Variants in WASF1 observed in about 807,000 individuals in gnomAD.
WASF1 encodes WASP family member 1.
WASF1 carries 7 observed loss-of-function variants against 50.5 expected under a neutral mutation model. The ratio of observed to expected loss-of-function variants is 0.14; its 90% CI spans 0.08 to 0.26. The LOEUF (loss-of-function observed/expected upper bound fraction) is 0.26. Ranked by LOEUF, WASF1 falls within the 10% of genes least tolerant of loss-of-function variation. The probability of loss-of-function intolerance (pLI) is 1.00; values close to 1 mark genes in which losing one functional copy is unlikely to be tolerated. For synonymous variants in WASF1, 205 were observed against 244.0 expected, an observed-to-expected ratio of 0.84 and a Z score of 1.49; for missense variants, 470 against 694.7, an observed-to-expected ratio of 0.68 and a Z score of 3.64.
At chr6:110,143,138 T>C (rs1476406644) in intron 3 of WASF1, among the ~76,000 whole-genome samples, 6 of 151,910 alleles carry the variant, frequency 3.9e-5, no homozygotes. Flanking sequence ...AGCTAAAATC[T>C]TAATAATCTG....
intron 4 of WASF1, among the ~76,000 whole-genome samples, chr6:110,126,522 A>G (rs1774425591): frequency 6.6e-6 from 1 of 152,214 alleles, no homozygotes; most frequent in Admixed American, 6.5e-5. Flanking sequence ...TCTTGTGCTA[A>G]GTACTCAATT....
At chr6:110,134,090 T>C (rs2114533038) in intron 3 of WASF1, among the ~76,000 whole-genome samples, 1 of 152,208 alleles carries the variant, frequency 6.6e-6, no homozygotes, top group East Asian at 1.9e-4. Flanking sequence ...GCTAATTTTG[T>C]ATTTTTAGTA....
At chr6:110,113,502 G>C in intron 4 of WASF1, 42 bp from the exon 5 acceptor site, 1 of 1,524,948 alleles carries the variant, frequency 6.6e-7, no homozygotes, top group South Asian at 1.3e-5. Flanking sequence ...TTAACATCCA[G>C]AGCACTGAGT....
At position 110,105,389 on chromosome 6, in the gene WASF1, AAAC is replaced by A. The variant is rs1197272110; in HGVS notation, c.713+15_713+17del. ...CCAATGTTTTATCATTTAAAAAAAAAAACAAAAGTAAAGAAACCTTGTTTCAAA... is the reference window on the plus strand; with the variant it reads ...CCAATGTTTTATCATTTAAAAAAAAAAAAAGTAAAGAAACCTTGTTTCAAA... On this transcript the variant is annotated intron_variant, in intron 8 of 10. Transcript: ENST00000392589. The A allele has an allele frequency of 1.9e-6, 3 of 1,578,212 alleles. No individual in the cohort carries two copies. The highest frequency in any genetic ancestry group is 4.5e-5 in the East Asian group (2 of 44,580).
intron 3 of WASF1, among the ~76,000 whole-genome samples, chr6:110,142,060 G>C (rs1001622887): frequency 6.6e-6 from 1 of 152,134 alleles, no homozygotes. Flanking sequence ...ATGATTCTAA[G>C]GAGCTGCTTT....
At chr6:110,139,349 C>T (rs1354758750) in intron 3 of WASF1, among the ~76,000 whole-genome samples, 2 of 152,212 alleles carry the variant, frequency 1.3e-5, no homozygotes, top group East Asian at 1.9e-4. Flanking sequence ...TCCCACCCCA[C>T]CAACTTGGTA....
Position 110,127,423 on chromosome 6 carries a change from A to G in WASF1, c.133+46T>C, listed in dbSNP as rs200872802. On this transcript the variant is annotated intron_variant, in intron 4 of 10. Transcript: ENST00000392589. ...GCACAACTTCTTAATACGCTAAAGC[A>G]TAACATTCTGGTTTGTGAGTATATT... 1.0e-5 allele frequency: 15 copies of G among 1,493,786 alleles called. No homozygotes were observed. In the East Asian group the frequency reaches 2.2e-4, roughly 22 times the overall value. The allele number at this position is 1,493,786 out of a possible 1,614,324, so 92.5% of individuals were successfully genotyped here.
At chr6:110,119,605 AGAGGTAAAAAG>A (rs1773991484) in intron 4 of WASF1, among the ~76,000 whole-genome samples, 1 of 152,258 alleles carries the variant, frequency 6.6e-6, no homozygotes, top group Admixed American at 6.5e-5. Flanking sequence ...AAAGTCTACC[AGAGGTAAAAAG>A]AAGAGCTGGT....
At chr6:110,111,264 G>A (rs1773542166) in intron 5 of WASF1, among the ~76,000 whole-genome samples, 1 of 152,026 alleles carries the variant, frequency 6.6e-6, no homozygotes, top group Non-Finnish European at 1.5e-5. Context: ...GTATTTGAAA[G>A]CATGACCATA....
In WASF1 at chr6:110,101,673, T is replaced by C; in HGVS notation, c.1437A>G (p.Ile479Met). ...LMPPSPPSQV[I>M]PASEPKRHPS... is the part of the protein sequence containing the mutation. ...GATGGCGCTTTGGCTCAGAAGCAGGTATAACTTGTGATGGAGGAGATGGAG... is the reference window on the plus strand; with the variant it reads ...GATGGCGCTTTGGCTCAGAAGCAGGCATAACTTGTGATGGAGGAGATGGAG... The change falls in exon 10 of 11, where the codon ATA becomes ATG. Residue 479 changes from isoleucine to methionine, a missense_variant. Around this residue, in one of 3 missense-constraint regions of WASF1, gnomAD observed 294 missense variants for 343.5 expected, o/e 0.86. Coordinates refer to ENST00000392589, the MANE Select transcript of WASF1 (RefSeq NM_003931.3). The C allele has an allele frequency of 6.2e-7, 1 of 1,613,954 alleles. No individual in the cohort carries two copies. The highest frequency in any genetic ancestry group is 8.5e-7 in the Non-Finnish European group (1 of 1,179,956).
chr6:110,102,116 G>C lies in WASF1; in HGVS notation c.994C>G (p.Pro332Ala). The change falls in exon 10 of 11, where the codon CCA becomes GCA. Residue 332 changes from proline (P) to alanine (A), a missense_variant. This residue lies in a region of WASF1 where 294 missense variants were observed against 343.5 expected (regional missense o/e 0.86). Coordinates refer to ENST00000392589, the MANE Select transcript of WASF1 (RefSeq NM_003931.3). Reference protein sequence around the residue: ...PTPPPPPPPLPSALSTSSLRA... With the variant: ...PTPPPPPPPLASALSTSSLRA... ...AATGAGGAAGTTGACAAGGCAGATG[G>C]AAGAGGTGGTGGAGGAGGTGGGGGA... 4 of 1,493,512 alleles carry C rather than the reference G, an allele frequency of 2.7e-6. No homozygotes were observed. The highest frequency in any genetic ancestry group is 3.6e-6 in the Non-Finnish European group (4 of 1,121,902). The allele number at this position is 1,493,512 out of a possible 1,614,324, so 92.5% of individuals were successfully genotyped here. A position where few individuals can be genotyped will look rare whatever the true frequency, so the allele number is the denominator to read the frequency against.
At chr6:110,106,803 G>C (rs1343760077) in intron 7 of WASF1, among the ~76,000 whole-genome samples, 3 of 152,176 alleles carry the variant, frequency 2.0e-5, no homozygotes, top group Non-Finnish European at 4.4e-5. Context: ...GGTTTACCCT[G>C]CCTGCTAGCT....
At chr6:110,110,145 G>A (rs761404532) in intron 5 of WASF1, among the ~76,000 whole-genome samples, 34 of 152,138 alleles carry the variant, frequency 2.2e-4, no homozygotes, top group Non-Finnish European at 4.0e-4. Flanking sequence ...TGTGCTAGAT[G>A]GTTTCACTAA....
rs191798494 is a variant in WASF1 at position 110,141,032 on chromosome 6, T to C, written c.-28-13403A>G. Among the ~76,000 whole-genome samples the C allele has an allele frequency of 2.4e-4, 36 of 152,294 alleles. No homozygotes were observed. In the East Asian group the frequency reaches 5.8e-3, roughly 24 times the overall value. ...AGAATCACATGCAATTTAAAACTTA[T>C]GAATTTTTTTTTCTGGAATTTTCCA... On this transcript the variant is annotated intron_variant, in intron 3 of 10. Transcript: ENST00000392589.
chr6:110,147,615 ATAG>A (rs1263978115), intron 3 of WASF1, among the ~76,000 whole-genome samples: 1 of 152,212 alleles, frequency 6.6e-6, no homozygotes, highest in African/African-American at 2.4e-5. Context: ...AATCCACTAA[ATAG>A]TAGTATTTTC....
chr6:110,155,463 A>G (rs2114590958), intron 3 of WASF1, among the ~76,000 whole-genome samples: 1 of 150,010 alleles, frequency 6.7e-6, no homozygotes, highest in Admixed American at 6.7e-5. Flanking sequence ...TTTATACCAG[A>G]CATTTCCAAT....
intron 3 of WASF1, among the ~76,000 whole-genome samples, chr6:110,150,513 A>G (rs775138275): frequency 2.0e-5 from 3 of 152,236 alleles, no homozygotes; most frequent in Non-Finnish European, 2.9e-5. Context: ...AGTGCTCAAT[A>G]GCCATACTGG....
intron 5 of WASF1, among the ~76,000 whole-genome samples, chr6:110,112,084 C>T (rs904239661): frequency 9.3e-5 from 14 of 150,964 alleles, no homozygotes; most frequent in Non-Finnish European, 1.9e-4. Flanking sequence ...TGGATTATTT[C>T]AAAAGTAGCT....
intron 4 of WASF1, among the ~76,000 whole-genome samples, chr6:110,120,491 A>ATCT (rs1347158134): frequency 6.6e-6 from 1 of 152,220 alleles, no homozygotes; most frequent in Admixed American, 6.5e-5. Flanking sequence ...GATGTGAAGG[A>ATCT]CCTCTTCAAG....
Sources: allele counts gnomAD v4.1 joint callset (sites outside exome capture counted in the v4.1 genomes callset), GRCh38; gene constraint gnomAD v4.1.1; regional missense constraint gnomAD v4.1.1; transcripts MANE v1.5; gene names NCBI Gene and HGNC (gene_info 2026-07-23, HGNC 2026-07-21).